The following SLC25A26 variants were observed in gnomAD, a reference collection of about 807,000 sequenced individuals.
The protein encoded by SLC25A26 is solute carrier family 25 member 26.
In SLC25A26, 36 loss-of-function variants were observed where a neutral mutation model predicts 37.8. That is an observed-to-expected ratio of 0.95 (90% confidence interval 0.73 to 1.26). The LOEUF is 1.26. Among genes scored for constraint, SLC25A26 ranks in the 50% most tolerant of loss-of-function variants. The pLI is 0.00. For synonymous variants in SLC25A26, 129 were observed against 122.5 expected, an observed-to-expected ratio of 1.05 and a Z score of -0.35; for missense variants, 390 against 331.1, an observed-to-expected ratio of 1.18 and a Z score of -1.38.
chr3:66,188,692 A>T (rs1229634670), intron 1 of SLC25A26, among the ~76,000 whole-genome samples: 1 of 152,008 alleles, frequency 6.6e-6, no homozygotes, highest in Admixed American at 6.6e-5. Context: ...TTTATAAATT[A>T]CCCAGCCCTC....
intron 7 of SLC25A26, among the ~76,000 whole-genome samples, chr3:66,366,529 T>C (rs1380328332): frequency 2.0e-5 from 3 of 152,244 alleles, no homozygotes; most frequent in Non-Finnish European, 2.9e-5. Flanking sequence ...TATTGAAGCA[T>C]ACATGTTTCT....
chr3:66,283,483 C>T (rs1358345655), intron 5 of SLC25A26, among the ~76,000 whole-genome samples: 9 of 151,914 alleles, frequency 5.9e-5, no homozygotes, highest in Admixed American at 4.6e-4. Context: ...GGTTTCACCA[C>T]GTTGCCCAGG....
intron 1 of SLC25A26, among the ~76,000 whole-genome samples, chr3:66,142,266 T>C (rs551420931): frequency 8.5e-5 from 13 of 152,212 alleles, no homozygotes; most frequent in Non-Finnish European, 1.3e-4. Context: ...TTCTTTCACT[T>C]AGTGTAATGT....
intron 2 of SLC25A26, among the ~76,000 whole-genome samples, chr3:66,239,911 G>C (rs1387105410): frequency 6.7e-6 from 1 of 149,406 alleles, no homozygotes; most frequent in African/African-American, 2.5e-5. Context: ...TCAGTCTGTG[G>C]TACCTAACAA....
intron 1 of SLC25A26, among the ~76,000 whole-genome samples, chr3:66,176,219 T>C (rs1015425343): frequency 3.3e-5 from 5 of 152,230 alleles, no homozygotes; most frequent in African/African-American, 4.8e-5. Flanking sequence ...ACATCTCTAA[T>C]TAATTGTTTT....
intron 1 of SLC25A26, among the ~76,000 whole-genome samples, chr3:66,225,956 C>G (rs1286306887): frequency 6.6e-6 from 1 of 152,198 alleles, no homozygotes; most frequent in Non-Finnish European, 1.5e-5. Flanking sequence ...TTCAACAAGT[C>G]TCTAGGAAGT....
intron 1 of SLC25A26, among the ~76,000 whole-genome samples, chr3:66,138,022 C>T (rs1361546890): frequency 3.3e-5 from 5 of 151,682 alleles, no homozygotes; most frequent in African/African-American, 9.7e-5. Flanking sequence ...TTAGTAGAGA[C>T]GGGGTTTCAC....
chr3:66,286,037 T>C (rs1391140869), intron 5 of SLC25A26, among the ~76,000 whole-genome samples: 1 of 152,224 alleles, frequency 6.6e-6, no homozygotes, highest in Non-Finnish European at 1.5e-5. Context: ...CTGTTCAGTC[T>C]TTTTCTCATT....
intron 5 of SLC25A26, 63 bp downstream of exon 5, chr3:66,263,442 A>T: frequency 2.0e-6 from 2 of 992,016 alleles, no homozygotes; most frequent in Non-Finnish European, 3.1e-6. Context: ...CAGTAAATTT[A>T]TACTACTTAA....
chr3:66,165,795 A>G (rs2070417165), intron 1 of SLC25A26, among the ~76,000 whole-genome samples: 1 of 152,106 alleles, frequency 6.6e-6, no homozygotes, highest in East Asian at 1.9e-4. Context: ...AAAACAAAAT[A>G]CGGAAAAAAT....
At chr3:66,364,710 C>T (rs912075380) in intron 7 of SLC25A26, among the ~76,000 whole-genome samples, 17 of 152,196 alleles carry the variant, frequency 1.1e-4, no homozygotes, top group African/African-American at 4.1e-4. Context: ...CAACTAACAT[C>T]CAGAAAATGA....
chr3:66,164,044 T>C (rs1461613497), intron 1 of SLC25A26, among the ~76,000 whole-genome samples: 2 of 152,096 alleles, frequency 1.3e-5, no homozygotes, highest in Non-Finnish European at 2.9e-5. Flanking sequence ...AGTGTTGGGG[T>C]TGAGAAACTC....
chr3:66,226,542 C>G (rs960298244), intron 1 of SLC25A26, among the ~76,000 whole-genome samples: 4 of 152,192 alleles, frequency 2.6e-5, no homozygotes, highest in Admixed American at 1.3e-4. Context: ...GGTGCTGTCT[C>G]TGCTCAAGTG....
At chr3:66,220,966 T>C (rs2071457197), upstream of SLC25A26, 2 of 986,666 alleles carry the variant, frequency 2.0e-6, no homozygotes, top group South Asian at 1.4e-5. Flanking sequence ...GCAGTTGTTG[T>C]GGTTCTACGT....
intron 5 of SLC25A26, among the ~76,000 whole-genome samples, chr3:66,318,555 C>T (rs142158507): frequency 3.3e-5 from 5 of 152,058 alleles, no homozygotes; most frequent in African/African-American, 1.2e-4. Flanking sequence ...GTTGAAGATG[C>T]AGAATTCACT....
upstream of SLC25A26, among the ~76,000 whole-genome samples, chr3:66,219,200 C>A (rs909327461): frequency 6.6e-6 from 1 of 152,102 alleles, no homozygotes; most frequent in Admixed American, 6.5e-5. Context: ...AACTTGATGG[C>A]CTTTGAGGAG....
intron 3 of SLC25A26, among the ~76,000 whole-genome samples, chr3:66,258,360 TAGA>T (rs1478341676): frequency 6.6e-6 from 1 of 152,100 alleles, no homozygotes; most frequent in Non-Finnish European, 1.5e-5. Flanking sequence ...GGTGGCTGGG[TAGA>T]AGGATAGGAA....
chr3:66,160,771 C>A (rs971874032), intron 1 of SLC25A26, among the ~76,000 whole-genome samples: 1 of 152,008 alleles, frequency 6.6e-6, no homozygotes, highest in African/African-American at 2.4e-5. Flanking sequence ...CCCGTCTCTA[C>A]TAAAAACACA....
chr3:66,358,177 C>G (rs983029311), intron 6 of SLC25A26, among the ~76,000 whole-genome samples: 1 of 152,154 alleles, frequency 6.6e-6, no homozygotes. Flanking sequence ...TATTACAATT[C>G]TGTTGTCCCT....
Sources: allele counts gnomAD v4.1 joint callset (sites outside exome capture counted in the v4.1 genomes callset), GRCh38; gene constraint gnomAD v4.1.1; transcripts MANE v1.5; gene names NCBI Gene and HGNC (gene_info 2026-07-23, HGNC 2026-07-21).